The following LIMS2 variants were observed in gnomAD, a reference collection of about 807,000 sequenced individuals.
The protein encoded by LIMS2 is LIM zinc finger domain containing 2, also known as LIM and senescent cell antigen-like-containing domain protein 2.
A neutral mutation model predicts 45.3 loss-of-function variants in LIMS2; 30 were observed. The observed-to-expected ratio is 0.66, with a 90% CI of 0.50 to 0.90. LIMS2 has a LOEUF of 0.90. Ranked by LOEUF, LIMS2 falls within the 40% of genes least tolerant of loss-of-function variation. The probability of loss-of-function intolerance (pLI) is 0.00; values close to 1 mark genes in which losing one functional copy is unlikely to be tolerated. For synonymous variants in LIMS2, 173 were observed against 188.0 expected, an observed-to-expected ratio of 0.92 and a Z score of 0.65; for missense variants, 485 against 468.7, an observed-to-expected ratio of 1.03 and a Z score of -0.32.
In LIMS2 at chr2:127,672,808, G is replaced by A. The variant is rs916156884; in HGVS notation, c.11+2206C>T. Among the ~76,000 whole-genome samples the A allele has an allele frequency of 3.3e-5, 5 of 152,234 alleles. No individual in the cohort carries two copies. On this transcript the variant is annotated intron_variant, in intron 1 of 9. Transcript: ENST00000355119. This position sits in a 1 kb window ranked among gnomAD's most constrained non-coding sequence, Gnocchi z 4.9. ...AGCCCTCCCTCTGCTCTTGCCTGGT[G>A]AGGTCCTAGGGAGAGCTGGCAGGGA...
chr2:127,661,518 T>C (rs1261492333), intron 1 of LIMS2, among the ~76,000 whole-genome samples: 1 of 152,152 alleles, frequency 6.6e-6, no homozygotes, highest in Non-Finnish European at 1.5e-5. Context: ...CCTTTGCACA[T>C]TCCTTCAAGA....
At position 127,639,166 on chromosome 2, in the gene LIMS2, GAGAA is replaced by G. The variant is rs1682129921; in HGVS notation, c.*111_*114del. On this transcript the variant is annotated 3_prime_UTR_variant, in exon 10 of 10. Coordinates refer to ENST00000355119, the MANE Select transcript of LIMS2 (RefSeq NM_001161403.3). ...AGGAAGGGAGAAGGCAATGAGGAAA[GAGAA>G]AGGGAGGGTAAGATGCGGAGGGCAC... is the stretch of plus-strand genomic sequence containing the variant. 9.1e-7 allele frequency: 1 copy of G among 1,101,598 alleles called. No homozygotes were observed. The highest frequency in any genetic ancestry group is 1.6e-5 in the African/African-American group (1 of 63,874). 68.2% of individuals were successfully genotyped at this position (1,101,598 alleles called of 1,614,324 possible).
chr2:127,663,677 C>T (rs1303626637), intron 1 of LIMS2, among the ~76,000 whole-genome samples: 2 of 151,794 alleles, frequency 1.3e-5, no homozygotes, highest in Non-Finnish European at 2.9e-5. Flanking sequence ...CCCAGGGTCC[C>T]TATCTGTCAC....
intron 4 of LIMS2, among the ~76,000 whole-genome samples, chr2:127,648,944 AGGGAG>A (rs1165684163): frequency 5.1e-5 from 3 of 59,352 alleles, no homozygotes; most frequent in African/African-American, 6.6e-5. Flanking sequence ...GAAAAAAGAG[AGGGAG>A]GGGAGGGGAG....
intron 1 of LIMS2, among the ~76,000 whole-genome samples, chr2:127,659,797 G>A (rs574209345): frequency 3.9e-5 from 6 of 152,180 alleles, no homozygotes; most frequent in South Asian, 4.2e-4. Flanking sequence ...CACATCCCTC[G>A]CACCCCCTTC....
Position 127,643,063 on chromosome 2 carries a change from G to C in LIMS2, c.369C>G (p.Cys123Trp). 1 of 1,579,792 alleles carries C rather than the reference G, an allele frequency of 6.3e-7. No homozygotes were observed. Among genetic ancestry groups the C allele is most frequent in the Non-Finnish European group, 8.6e-7 (1 of 1,163,884 alleles). Reference protein sequence around the residue: ...GFVKNAGRHLCRPCHNREKAK... With the variant: ...GFVKNAGRHLWRPCHNREKAK... The stretch of plus-strand genomic sequence containing the variant: ...CCTTCTCACGGTTGTGGCAAGGCCG[G>C]CAGAGATGCCTGCGGGAGGCGGGGG... Residue 123 changes from cysteine to tryptophan, a missense_variant, in exon 5 of 10, where the codon TGC (cysteine) becomes TGG (tryptophan). Coordinates refer to ENST00000355119, the MANE Select transcript of LIMS2 (RefSeq NM_001161403.3).
At chr2:127,649,809 A>G in intron 4 of LIMS2, 1 of 570,544 alleles carries the variant, frequency 1.8e-6, no homozygotes, top group Non-Finnish European at 3.1e-6. Flanking sequence ...GCAAGCCACG[A>G]GGCCTCCAGG....
At chr2:127,654,958 G>A in intron 2 of LIMS2, 62 bp from the exon 3 acceptor site, 1 of 1,489,780 alleles carries the variant, frequency 6.7e-7, no homozygotes, top group Non-Finnish European at 9.3e-7. Flanking sequence ...AGCAGCCCAG[G>A]CCCTTGTTGG....
At chr2:127,673,555 G>A in intron 1 of LIMS2, 1 of 1,008,174 alleles carries the variant, frequency 9.9e-7, no homozygotes, top group Non-Finnish European at 1.5e-6. Context: ...GGGACTCAGG[G>A]GCAAGAGGAC....
At chr2:127,651,774 G>A (rs533564833) in intron 4 of LIMS2, 2 of 1,605,544 alleles carry the variant, frequency 1.2e-6, no homozygotes, top group South Asian at 1.1e-5. Flanking sequence ...CGCCGTCCAG[G>A]CCGAGCGCAG....
intron 1 of LIMS2, among the ~76,000 whole-genome samples, chr2:127,662,030 G>C (rs1290368440): frequency 6.6e-6 from 1 of 152,184 alleles, no homozygotes; most frequent in Non-Finnish European, 1.5e-5. Flanking sequence ...CCAGCCACAA[G>C]AAGTCTGGTC....
chr2:127,675,753 T>C (rs745957027), upstream of LIMS2, among the ~76,000 whole-genome samples: 2 of 152,076 alleles, frequency 1.3e-5, no homozygotes, highest in Non-Finnish European at 2.9e-5. Context: ...CCACCGCGGA[T>C]CTGGGCACTG....
chr2:127,673,647 C>T (rs1292325745), intron 1 of LIMS2: 8 of 1,549,472 alleles, frequency 5.2e-6, no homozygotes, highest in Admixed American at 2.0e-5. Context: ...CGACATCCCT[C>T]CTGTGCCTGA....
chr2:127,678,642 C>T (rs191859246), upstream of LIMS2, among the ~76,000 whole-genome samples: 862 of 152,170 alleles, frequency 5.7e-3, 14 homozygotes, highest in African/African-American at 0.019. This position sits in a 1 kb window ranked among gnomAD's most constrained non-coding sequence, Gnocchi z 5.3. Context: ...GTGTGGCCGG[C>T]GTGGGCGTGG....
At chr2:127,644,603 C>T (rs550625756) in intron 4 of LIMS2, among the ~76,000 whole-genome samples, 1 of 152,332 alleles carries the variant, frequency 6.6e-6, no homozygotes, top group East Asian at 1.9e-4. Flanking sequence ...TCTGGTGACT[C>T]CTCCTGAGCG....
At chr2:127,665,646 C>A (rs1226434485) in intron 1 of LIMS2, among the ~76,000 whole-genome samples, 1 of 152,228 alleles carries the variant, frequency 6.6e-6, no homozygotes, top group East Asian at 1.9e-4. Context: ...ACCGCTGACT[C>A]TCTGATGTAG....
At chr2:127,650,587 C>T in intron 4 of LIMS2, 1 of 665,354 alleles carries the variant, frequency 1.5e-6, no homozygotes, top group East Asian at 2.6e-5. Context: ...CCTCAGCAGC[C>T]CCGTGGGCGG....
rs1683129618 is a variant in LIMS2 at position 127,647,572 on chromosome 2, G to A, written c.360-4500C>T. Among the ~76,000 whole-genome samples, 1 of 152,108 alleles carries A rather than the reference G, an allele frequency of 6.6e-6. No homozygotes were observed. Among genetic ancestry groups the A allele is most frequent in the South Asian group, 2.1e-4 (1 of 4,824 alleles). On this transcript the variant is annotated intron_variant, in intron 4 of 9. Transcript: ENST00000355119. This position sits in a 1 kb window ranked among gnomAD's most constrained non-coding sequence, Gnocchi z 4.3. ...ACTGTGGGGCACAGCACAGGCCTGA[G>A]GGACAGCCTGGGGTGGAGGGCACCC...
chr2:127,657,495 G>T lies in LIMS2; in HGVS notation c.79C>A (p.Arg27Ser). ...RCQARFSPAE[R>S]IVNSNGELYH... Reference sequence around the variant, plus strand: ...AGCTCCCCATTGCTGTTGACAATGCGCTCGGCGGGGGAGAAGCGGGCCTGG... The same window carrying T: ...AGCTCCCCATTGCTGTTGACAATGCTCTCGGCGGGGGAGAAGCGGGCCTGG... The change falls in exon 2 of 10, where the codon CGC becomes AGC. Residue 27 changes from arginine to serine, a missense_variant. By Grantham distance (110) the Arg-to-Ser change is moderately radical. Coordinates refer to ENST00000355119, the MANE Select transcript of LIMS2 (RefSeq NM_001161403.3). 3 of 1,613,380 alleles carry T rather than the reference G, an allele frequency of 1.9e-6. No homozygotes were observed. The highest frequency in any genetic ancestry group is 2.2e-5 in the East Asian group (1 of 44,882).
Sources: allele counts gnomAD v4.1 joint callset (sites outside exome capture counted in the v4.1 genomes callset), GRCh38; gene constraint gnomAD v4.1.1; non-coding constraint Gnocchi (gnomAD v3.1); transcripts MANE v1.5; gene names NCBI Gene and HGNC (gene_info 2026-07-23, HGNC 2026-07-21).